ESPL1: variants seen among roughly 807,000 people sequenced by gnomAD.
ESPL1 encodes the protein separin.
Under a neutral mutation model 217.2 loss-of-function variants are expected in ESPL1, and 50 were observed. The ratio of observed to expected loss-of-function variants is 0.23; its 90% CI spans 0.18 to 0.29. The LOEUF is 0.29. Among genes scored for constraint, ESPL1 ranks in the 10% least tolerant of loss-of-function variants. ESPL1 has a pLI of 1.00. For missense variants in ESPL1, 1,834 were observed against 2,603.0 expected (o/e 0.70, Z 6.43); for synonymous variants, 994 against 1,081.3 (o/e 0.92, Z 1.58).
In ESPL1 at chr12:53,277,221, G is replaced by A. The variant is rs17125266; in HGVS notation, c.2079G>A (p.Met693Ile). The change falls in exon 9 of 31, where the codon ATG (methionine) becomes ATA (isoleucine). Residue 693 changes from methionine (M) to isoleucine (I), a missense_variant. Physicochemically the swap from Met to Ile is conservative, Grantham distance 10 (BLOSUM62 1). Around this residue, in one of 5 missense-constraint regions of ESPL1, gnomAD observed 746 missense variants for 1,077.0 expected, o/e 0.69. Coordinates refer to ENST00000257934, the MANE Select transcript of ESPL1 (RefSeq NM_012291.5). ...WLYICTLEAK[M>I]QEGIERDRRA... ...ACATCTGTACTCTGGAAGCCAAAAT[G>A]CAGGAAGTGAGTGTGGCTGCTGTGG... The A allele has an allele frequency of 0.033, 52,806 of 1,607,386 alleles. 2,354 individuals carry two copies. The highest frequency in any genetic ancestry group is 0.16 in the East Asian group (7,191 of 44,600).
rs1478757504 is a variant in ESPL1, at chr12:53,269,683, G to A, written c.741G>A (p.Arg247=). 3.1e-6 allele frequency: 5 copies of A among 1,614,206 alleles called. No individual in the cohort carries two copies. Among genetic ancestry groups the A allele is most frequent in the South Asian group, 1.1e-5 (1 of 91,090 alleles). ...GSSSGLLSPQ[R]ALCLLELTLE... Reference sequence around the variant, plus strand: ...CTTCTGGGCTTCTTTCTCCCCAGAGGGCCCTCTGCCTCTTGGAGCTCACCT... The same window carrying A: ...CTTCTGGGCTTCTTTCTCCCCAGAGAGCCCTCTGCCTCTTGGAGCTCACCT... The change falls in exon 3 of 31, where the codon AGG becomes AGA. Residue 247 remains arginine (R), a synonymous_variant. Coordinates refer to ENST00000257934, the MANE Select transcript of ESPL1 (RefSeq NM_012291.5). The surrounding 1 kb of genome is among the most constrained non-coding windows in gnomAD (Gnocchi z 6.7).
intron 22 of ESPL1, chr12:53,289,802 TC>T: frequency 3.3e-6 from 2 of 608,796 alleles, no homozygotes; most frequent in East Asian, 5.6e-5. Context: ...TCAGTGTCTT[TC>T]CTCAGAGGTG....
At chr12:53,279,898 G>A (rs762480238) in intron 12 of ESPL1, 32 bp downstream of exon 12, 6 of 1,522,732 alleles carry the variant, frequency 3.9e-6, no homozygotes, top group Admixed American at 2.1e-5. Flanking sequence ...TCTGGGGACT[G>A]CAGGGGGCCC....
chr12:53,292,730 C>A lies in ESPL1; in HGVS notation c.5996+73C>A. The A allele has an allele frequency of 6.2e-7, 1 of 1,602,394 alleles. No individual in the cohort carries two copies. Among genetic ancestry groups the A allele is most frequent in the Non-Finnish European group, 8.5e-7 (1 of 1,172,594 alleles). ...GGTATCACCATGGGTTGCTTTGGGA[C>A]TTGAGAGCCTCTGAAGACACAGGCA... On this transcript the variant is annotated intron_variant, in intron 29 of 30. Transcript: ENST00000257934. The surrounding 1 kb of genome is among the most constrained non-coding windows in gnomAD (Gnocchi z 4.5).
intron 24 of ESPL1, 150 bp downstream of exon 24, chr12:53,290,619 G>A (rs1459233558): frequency 2.6e-6 from 2 of 777,994 alleles, no homozygotes; most frequent in Non-Finnish European, 4.0e-6. Flanking sequence ...TGTCACCTGG[G>A]GAGAACTTCA....
In ESPL1 at chr12:53,292,400, G is replaced by A. The variant is rs1944078281; in HGVS notation, c.5912+7G>A. 1 of 1,599,286 alleles carries A rather than the reference G, an allele frequency of 6.3e-7. No homozygotes were observed. The highest frequency in any genetic ancestry group is 1.7e-5 in the Admixed American group (1 of 59,980). On this transcript the variant is annotated splice_region_variant and intron_variant, in intron 28 of 30. Transcript: ENST00000257934. This position sits in a 1 kb window ranked among gnomAD's most constrained non-coding sequence, Gnocchi z 4.5. ...TTCGAGCCAATTTCAGCAGGTCAGG[G>A]GCGCGAAGACAAGAAGACGTGTGGG...
chr12:53,280,020 GCTGTAAGAAGGGGAGTCAT>G (rs1470180590), intron 12 of ESPL1, among the ~76,000 whole-genome samples, 154 bp downstream of exon 12: 3 of 152,198 alleles, frequency 2.0e-5, no homozygotes, highest in Non-Finnish European at 2.9e-5. Flanking sequence ...GTTGGAGGCA[GCTGTAAGAAGGGGAGTCAT>G]CTTTGTCCTT....
Position 53,272,812 on chromosome 12 carries a change from G to C in ESPL1, c.1461G>C (p.Leu487=). 1 of 1,614,114 alleles carries C rather than the reference G, an allele frequency of 6.2e-7. No homozygotes were observed. The highest frequency in any genetic ancestry group is 1.1e-5 in the South Asian group (1 of 91,078). The change falls in exon 6 of 31, where the codon CTG becomes CTC. Residue 487 remains leucine (L), a synonymous_variant. Coordinates refer to ENST00000257934, the MANE Select transcript of ESPL1 (RefSeq NM_012291.5). ...TCTCTGAGCCGCTCTGTCAGCACCT[G>C]GGTTTGGTGAAGCCAGGCACTTATC... is the stretch of plus-strand genomic sequence containing the variant. ...CAISEPLCQH[L]GLVKPGTYPE...
Position 53,277,131 on chromosome 12 carries a change from G to A in ESPL1, c.1989G>A (p.Val663=), listed in dbSNP as rs776361812. The A allele has an allele frequency of 6.2e-7, 1 of 1,614,170 alleles. No individual in the cohort carries two copies. The highest frequency in any genetic ancestry group is 8.5e-7 in the Non-Finnish European group (1 of 1,179,974). Residue 663 remains valine (V), a synonymous_variant, in exon 9 of 31, where the codon GTG becomes GTA. Coordinates refer to ENST00000257934, the MANE Select transcript of ESPL1 (RefSeq NM_012291.5). ...AAGCCCTGCAGCTTCTGGACTCTGT[G>A]AGGCCTGAGGCCCAGGCCAGAGATC... is the stretch of plus-strand genomic sequence containing the variant. ...IREALQLLDS[V]RPEAQARDQL...
In ESPL1 at chr12:53,284,105, A is replaced by G. The variant is rs774241946; in HGVS notation, c.3125A>G (p.Asn1042Ser). ...AAGGGCGAGCTGGAGCTGGCCCGCA[A>G]TGACATTGATCTCTGTCAGTCGGAC... ...VLKGELELAR[N>S]DIDLCQSDLQ... Residue 1042 changes from asparagine (N) to serine (S), a missense_variant, in exon 17 of 31, where the codon AAT becomes AGT. By Grantham distance (46) the Asn-to-Ser change is conservative (BLOSUM62 1). This residue lies in a region of ESPL1 where 107 missense variants were observed against 171.7 expected (regional missense o/e 0.62). Coordinates refer to ENST00000257934, the MANE Select transcript of ESPL1 (RefSeq NM_012291.5). 15 of 1,614,104 alleles carry G rather than the reference A, an allele frequency of 9.3e-6. No individual in the cohort carries two copies. The South Asian group carries it at 1.4e-4, about 15-fold the overall frequency.
intron 11 of ESPL1, among the ~76,000 whole-genome samples, chr12:53,279,128 T>G (rs1943821157): frequency 6.6e-6 from 1 of 152,216 alleles, no homozygotes; most frequent in African/African-American, 2.4e-5. Context: ...TGATCTCAGG[T>G]GACCCGTCTG....
intron 25 of ESPL1, among the ~76,000 whole-genome samples, chr12:53,291,355 G>A (rs1485815007): frequency 6.6e-6 from 1 of 151,664 alleles, no homozygotes; most frequent in East Asian, 1.9e-4. Flanking sequence ...CACTTTGGGA[G>A]GCCGAGGCAG....
chr12:53,281,849 A>G (rs1434221086), intron 13 of ESPL1, among the ~76,000 whole-genome samples: 1 of 152,176 alleles, frequency 6.6e-6, no homozygotes, highest in Non-Finnish European at 1.5e-5. Context: ...CAAGGGGGAA[A>G]GTCTGTCCTG....
In ESPL1 at chr12:53,269,934, C is replaced by T. The variant is rs781080888; in HGVS notation, c.992C>T (p.Pro331Leu). The part of the protein sequence containing the change: ...VLSKSMEAPS[P>L]PLRALYESCQ... ...AGCAAGAGTATGGAGGCACCATCAC[C>T]CCCACTTCGGGCATTGTATGAGAGC... Residue 331 changes from proline to leucine, a missense_variant, in exon 3 of 31, where the codon CCC becomes CTC. Transcript: ENST00000257934. This position sits in a 1 kb window ranked among gnomAD's most constrained non-coding sequence, Gnocchi z 6.7. 6.2e-7 allele frequency: 1 copy of T among 1,614,164 alleles called. No individual in the cohort carries two copies. The highest frequency in any genetic ancestry group is 8.5e-7 in the Non-Finnish European group (1 of 1,180,024).
chr12:53,276,962 A>C lies in ESPL1; in HGVS notation c.1940+103A>C. The C allele has an allele frequency of 3.2e-6, 5 of 1,552,710 alleles. No homozygotes were observed. In the South Asian group the frequency reaches 6.0e-5, roughly 19 times the overall value. ...CTCCACAGCCCTGAGCTCTCCCTTC[A>C]TCTTGTGGCCATGGGAGCACATGCA... On this transcript the variant is annotated intron_variant, in intron 8 of 30. Transcript: ENST00000257934.
At chr12:53,277,304 C>A in intron 9 of ESPL1, 77 bp downstream of exon 9, 1 of 1,530,336 alleles carries the variant, frequency 6.5e-7, no homozygotes, top group Non-Finnish European at 8.8e-7. Flanking sequence ...AAGTTGGTAT[C>A]AGCCCTTTTT....
chr12:53,284,738 G>A (rs1592490633), intron 17 of ESPL1, among the ~76,000 whole-genome samples: 1 of 151,458 alleles, frequency 6.6e-6, no homozygotes, highest in Non-Finnish European at 1.5e-5. Flanking sequence ...TTAGGGCCGG[G>A]CTCGGTGGCT....
At chr12:53,288,499 G>A (rs760116696) in intron 19 of ESPL1, 39 bp from the exon 20 acceptor site, 1 of 1,581,878 alleles carries the variant, frequency 6.3e-7, no homozygotes, top group South Asian at 1.1e-5. Context: ...GAATGGCAGG[G>A]GGAGGGAGCA....
chr12:53,277,502 T>C lies in ESPL1; in HGVS notation c.2118T>C (p.Pro706=), dbSNP rs1333049490. 6.2e-7 allele frequency: 1 copy of C among 1,614,134 alleles called. No homozygotes were observed. The highest frequency in any genetic ancestry group is 8.5e-7 in the Non-Finnish European group (1 of 1,180,020). The change falls in exon 10 of 31, where the codon CCT becomes CCC. Residue 706 remains proline, a synonymous_variant. Transcript: ENST00000257934. Reference sequence around the variant, plus strand: ...AGCGGGATCGGAGAGCCCAGGCCCCTGGTAACTTGGAGGAATTTGAAGTCA... The same window carrying C: ...AGCGGGATCGGAGAGCCCAGGCCCCCGGTAACTTGGAGGAATTTGAAGTCA... ...GIERDRRAQA[P]GNLEEFEVND...
Sources: allele counts gnomAD v4.1 joint callset (sites outside exome capture counted in the v4.1 genomes callset), GRCh38; gene constraint gnomAD v4.1.1; regional missense constraint gnomAD v4.1.1; non-coding constraint Gnocchi (gnomAD v3.1); transcripts MANE v1.5; gene names NCBI Gene and HGNC (gene_info 2026-07-23, HGNC 2026-07-21).